The following SP110 variants were observed in gnomAD, a reference collection of about 807,000 sequenced individuals.
SP110 encodes the protein SP110 nuclear body protein.
A neutral mutation model predicts 92.7 loss-of-function variants in SP110; 62 were observed. That is an observed-to-expected ratio of 0.67 (90% CI 0.55 to 0.83). The LOEUF (loss-of-function observed/expected upper bound fraction) is 0.83. Among genes scored for constraint, SP110 ranks in the 40% least tolerant of loss-of-function variants. SP110 has a pLI of 0.00. For missense variants in SP110, 793 were observed against 863.9 expected, an observed-to-expected ratio of 0.92 and a Z score of 1.03; for synonymous variants, 273 against 305.3, an observed-to-expected ratio of 0.89 and a Z score of 1.10.
upstream of SP110, chr2:230,221,623 G>GT: frequency 7.5e-7 from 1 of 1,339,868 alleles, no homozygotes. Context: ...TCAGCATGCA[G>GT]TAACATACAG....
chr2:230,200,488 G>A (rs1645535958), intron 10 of SP110: 1 of 198,506 alleles, frequency 5.0e-6, no homozygotes, highest in Admixed American at 5.4e-5. Context: ...ATGGAGATTG[G>A]AATTCTAGGA....
chr2:230,204,848 G>A (rs1451499374), intron 8 of SP110, among the ~76,000 whole-genome samples: 2 of 152,178 alleles, frequency 1.3e-5, no homozygotes, highest in Non-Finnish European at 2.9e-5. Context: ...CATTTATGGG[G>A]AGTAGTGTAG....
At position 230,175,218 on chromosome 2, in the gene SP110, A is replaced by G. The variant is rs990552567; in HGVS notation, c.1591-2259T>C. Among the ~76,000 whole-genome samples, 12 of 152,258 alleles carry G rather than the reference A, an allele frequency of 7.9e-5. No individual in the cohort carries two copies. The East Asian group carries it at 2.3e-3, about 29-fold the overall frequency. ...TACCTACACGTTCACATAAGCAACAATGGGTTCCTTCCCCACACGTCACAA... is the reference window on the plus strand; with the variant it reads ...TACCTACACGTTCACATAAGCAACAGTGGGTTCCTTCCCCACACGTCACAA... On this transcript the variant is annotated intron_variant, in intron 14 of 18. Coordinates refer to ENST00000258381, the MANE Select transcript of SP110 (RefSeq NM_080424.4).
At chr2:230,210,679 C>T (rs1406901590) in intron 6 of SP110, among the ~76,000 whole-genome samples, 1 of 152,162 alleles carries the variant, frequency 6.6e-6, no homozygotes, top group African/African-American at 2.4e-5. Flanking sequence ...CAAAGAAAGA[C>T]AGAGAACTTG....
chr2:230,221,900 G>A, upstream of SP110: 3 of 643,738 alleles, frequency 4.7e-6, no homozygotes, highest in Non-Finnish European at 8.3e-6. Flanking sequence ...AAAGACAGCT[G>A]CGAATGAGGA....
intron 1 of SP110, 143 bp from the exon 2 acceptor site, chr2:230,217,071 C>T (rs916965492): frequency 6.3e-6 from 4 of 639,722 alleles, no homozygotes; most frequent in Non-Finnish European, 1.1e-5. Context: ...CATGGTGAAA[C>T]TCTGTCTCTA....
At chr2:230,223,588 G>C (rs1185480489), upstream of SP110, among the ~76,000 whole-genome samples, 1 of 152,194 alleles carries the variant, frequency 6.6e-6, no homozygotes, top group Non-Finnish European at 1.5e-5. Flanking sequence ...ACCAGAGGTT[G>C]AATTATAGGC....
Position 230,177,623 on chromosome 2 carries a change from A to C in SP110, c.1505T>G (p.Phe502Cys), listed in dbSNP as rs202140026. Residue 502 changes from phenylalanine (F) to cysteine (C), a missense_variant, in exon 14 of 19, where the codon TTT (phenylalanine) becomes TGT (cysteine). Transcript: ENST00000258381. ...EDGTWLTPNE[F>C]EVEGKGRNAK... ...GTTCCTTCCTTTTCCTTCGACTTCA[A>C]ATTCATTTGGTGTTAACCAAGTTCC... The C allele has an allele frequency of 6.2e-7, 1 of 1,614,154 alleles. No individual in the cohort carries two copies.
chr2:230,223,794 G>T (rs2148991931), upstream of SP110, among the ~76,000 whole-genome samples: 1 of 152,294 alleles, frequency 6.6e-6, no homozygotes, highest in Middle Eastern at 3.4e-3. Context: ...CCAATTCCAG[G>T]TGTCAGATTC....
intron 14 of SP110, chr2:230,173,311 C>T (rs1348874832): frequency 2.4e-5 from 8 of 326,874 alleles, no homozygotes; most frequent in Non-Finnish European, 6.1e-6. Flanking sequence ...ATTAATAGAT[C>T]TGACTGACCA....
chr2:230,174,554 A>C (rs556728737), intron 14 of SP110, among the ~76,000 whole-genome samples: 16 of 152,234 alleles, frequency 1.1e-4, no homozygotes, highest in East Asian at 5.8e-4. Context: ...ACAAAAAAAA[A>C]CCAAAACCCC....
chr2:230,219,379 T>C (rs2045588140), intron 1 of SP110, among the ~76,000 whole-genome samples: 1 of 152,230 alleles, frequency 6.6e-6, no homozygotes, highest in Non-Finnish European at 1.5e-5. Context: ...TGAAGGCTGA[T>C]TTAGTAATCA....
chr2:230,202,810 C>A, intron 8 of SP110, 82 bp from the exon 9 acceptor site: 5 of 1,309,218 alleles, frequency 3.8e-6, no homozygotes, highest in Non-Finnish European at 5.5e-6. Context: ...GACTTCCCTT[C>A]TCATGCCCCT....
chr2:230,212,106 G>A (rs2044550267), intron 5 of SP110, among the ~76,000 whole-genome samples: 1 of 152,210 alleles, frequency 6.6e-6, no homozygotes, highest in Admixed American at 6.5e-5. Context: ...TGGGGGTGAG[G>A]AATCAGCTAA....
At chr2:230,215,697 T>C (rs1192813572) in intron 2 of SP110, among the ~76,000 whole-genome samples, 1 of 152,198 alleles carries the variant, frequency 6.6e-6, no homozygotes, top group East Asian at 1.9e-4. Context: ...TCTACTAGGC[T>C]CGGTCAGCGA....
Position 230,212,415 on chromosome 2 carries a change from A to C in SP110, c.599T>G (p.Leu200Ter). 6.2e-7 allele frequency: 1 copy of C among 1,611,212 alleles called. No individual in the cohort carries two copies. The highest frequency in any genetic ancestry group is 8.5e-7 in the Non-Finnish European group (1 of 1,177,300). The change falls in exon 5 of 19, where the codon TTA becomes TGA. Residue 200 changes from leucine (L) to a stop codon, truncating the protein, a stop_gained. Coordinates refer to ENST00000258381, the MANE Select transcript of SP110 (RefSeq NM_080424.4). LOFTEE classifies it high-confidence loss of function. ...GRSTSVTNDK[L>*]TSKMNAEEDS... The stretch of plus-strand genomic sequence containing the variant: ...TTCTTCCGCATTCATTTTGGATGTT[A>C]ACTTGTCATTGGTCACTGAAGGAGG...
intron 14 of SP110, among the ~76,000 whole-genome samples, chr2:230,174,392 C>G (rs2041755728): frequency 6.6e-6 from 1 of 152,198 alleles, no homozygotes; most frequent in Non-Finnish European, 1.5e-5. Context: ...TTGAATGGGG[C>G]CCCTTCTAAC....
Position 230,176,641 on chromosome 2 carries a change from G to A in SP110, c.1590+897C>T, listed in dbSNP as rs2041871531. On this transcript the variant is annotated intron_variant, in intron 14 of 18. Coordinates refer to ENST00000258381, the MANE Select transcript of SP110 (RefSeq NM_080424.4). ...TCCAGACAGGGAAAGTCTGCAACAT[G>A]GTGACTGAGAGGGTAGTAGAAATTC... 23 of 1,613,956 alleles carry A rather than the reference G, an allele frequency of 1.4e-5. No individual in the cohort carries two copies. The East Asian group carries it at 5.1e-4, about 36-fold the overall frequency.
chr2:230,173,118 G>T (rs918085704), intron 14 of SP110, 159 bp from the exon 15 acceptor site: 3 of 637,288 alleles, frequency 4.7e-6, no homozygotes, highest in South Asian at 1.6e-5. Context: ...GGGGGAAATT[G>T]CAAGACAAAT....
Sources: allele counts gnomAD v4.1 joint callset (sites outside exome capture counted in the v4.1 genomes callset), GRCh38; gene constraint gnomAD v4.1.1; transcripts MANE v1.5; gene names NCBI Gene and HGNC (gene_info 2026-07-23, HGNC 2026-07-21).